FTCDNL1: variants seen among roughly 807,000 people sequenced by gnomAD.
The protein encoded by FTCDNL1 is formiminotransferase N-terminal subdomain-containing protein.
Under a neutral mutation model 5.9 loss-of-function variants are expected in FTCDNL1, and 11 were observed. The observed-to-expected ratio is 1.87, with a 90% confidence interval of 1.18 to 3.10. The LOEUF (loss-of-function observed/expected upper bound fraction) is 3.10, where lower values mean the gene tolerates loss of function less well. Ranked by LOEUF, FTCDNL1 falls within the 30% of genes most tolerant of loss-of-function variation. FTCDNL1 has a pLI of 0.00. For synonymous variants in FTCDNL1, 58 were observed against 24.8 expected (o/e 2.34, Z -3.99); for missense variants, 115 against 65.5 (o/e 1.76, Z -2.61).
chr2:199,696,218 C>T, the FTCDNL1 span, among the ~76,000 whole-genome samples: 1 of 152,234 alleles, frequency 6.6e-6, no homozygotes, highest in African/African-American at 2.4e-5. Flanking sequence ...ACCACCCTGC[C>T]ACTGTTGGCT....
At chr2:199,747,283 G>C in the FTCDNL1 span, among the ~76,000 whole-genome samples, 16 of 152,164 alleles carry the variant, frequency 1.1e-4, no homozygotes, top group East Asian at 2.7e-3. Flanking sequence ...AACTTTACTT[G>C]ACAGCTTCCC....
chr2:199,716,672 G>T, the FTCDNL1 span, among the ~76,000 whole-genome samples: 2 of 152,140 alleles, frequency 1.3e-5, no homozygotes, highest in African/African-American at 4.8e-5. Flanking sequence ...TGCTTAAATA[G>T]GACCTTACTA....
the FTCDNL1 span, among the ~76,000 whole-genome samples, chr2:199,745,395 C>T: frequency 6.6e-6 from 1 of 152,178 alleles, no homozygotes; most frequent in South Asian, 2.1e-4. Flanking sequence ...ATGCCTTTTC[C>T]TACTCGATGA....
chr2:199,681,468 A>G, the FTCDNL1 span, among the ~76,000 whole-genome samples: 5 of 152,184 alleles, frequency 3.3e-5, no homozygotes, highest in African/African-American at 1.2e-4. Context: ...AAAAGAAAGA[A>G]AAGCCAGGCT....
chr2:199,769,340 C>A (rs1466714129), intron 3 of FTCDNL1, among the ~76,000 whole-genome samples: 2 of 152,114 alleles, frequency 1.3e-5, no homozygotes, highest in African/African-American at 4.8e-5. Context: ...GCAGTTTCCC[C>A]CTTACTGTTC....
chr2:199,742,223 T>C, the FTCDNL1 span, among the ~76,000 whole-genome samples: 2 of 151,918 alleles, frequency 1.3e-5, no homozygotes, highest in Non-Finnish European at 2.9e-5. Context: ...CTGTGAAGAC[T>C]CCCCCACTAC....
At chr2:199,747,486 G>A in the FTCDNL1 span, among the ~76,000 whole-genome samples, 1 of 152,116 alleles carries the variant, frequency 6.6e-6, no homozygotes, top group Non-Finnish European at 1.5e-5. Flanking sequence ...TTTCATATGA[G>A]AGAAGAACGT....
chr2:199,685,058 G>A, the FTCDNL1 span, among the ~76,000 whole-genome samples: 2 of 152,084 alleles, frequency 1.3e-5, no homozygotes, highest in Non-Finnish European at 2.9e-5. Flanking sequence ...TGTGGAGCTC[G>A]TACTTCCTCC....
rs548561232 is a variant in FTCDNL1, at chr2:199,795,373, C to T, written c.212-34538G>A. Among the ~76,000 whole-genome samples the T allele has an allele frequency of 2.3e-4, 35 of 152,296 alleles. No individual in the cohort carries two copies. In the South Asian group the frequency reaches 6.6e-3, roughly 29 times the overall value. On this transcript the variant is annotated intron_variant, in intron 3 of 3. Transcript: ENST00000416668. ...CCTCACTTTCCTCCCAATACAAACACGTGGTTCTTTCTTTTTCTCTGCTCA... is the reference window on the plus strand; with the variant it reads ...CCTCACTTTCCTCCCAATACAAACATGTGGTTCTTTCTTTTTCTCTGCTCA...
chr2:199,715,548 G>T, the FTCDNL1 span, among the ~76,000 whole-genome samples: 2 of 152,182 alleles, frequency 1.3e-5, no homozygotes, highest in Non-Finnish European at 2.9e-5. Context: ...ATGGGGAACT[G>T]TAAGTCCATC....
At chr2:199,697,846 A>G in the FTCDNL1 span, among the ~76,000 whole-genome samples, 1 of 152,212 alleles carries the variant, frequency 6.6e-6, no homozygotes, top group African/African-American at 2.4e-5. Context: ...CAAGTTGGAT[A>G]AGAAGCAAGA....
intron 4 of FTCDNL1, among the ~76,000 whole-genome samples, chr2:199,816,338 T>C (rs530033426): frequency 1.4e-3 from 211 of 152,266 alleles, no homozygotes; most frequent in African/African-American, 4.9e-3. Context: ...AAAAGGCATA[T>C]AGGGGAAAAG....
the FTCDNL1 span, among the ~76,000 whole-genome samples, chr2:199,753,055 A>G: frequency 6.6e-6 from 1 of 152,184 alleles, no homozygotes; most frequent in Non-Finnish European, 1.5e-5. Flanking sequence ...CCATGGGCAC[A>G]TGGTGGGGAG....
the FTCDNL1 span, among the ~76,000 whole-genome samples, chr2:199,673,024 T>G: frequency 6.6e-6 from 1 of 152,056 alleles, no homozygotes; most frequent in Admixed American, 6.6e-5. Flanking sequence ...GAGTGTCAAC[T>G]GCAAATGAAA....
At chr2:199,824,815 A>G (rs902322965) in intron 3 of FTCDNL1, among the ~76,000 whole-genome samples, 1 of 152,190 alleles carries the variant, frequency 6.6e-6, no homozygotes, top group Non-Finnish European at 1.5e-5. Flanking sequence ...CCCAAACATC[A>G]AAGATCACTG....
chr2:199,765,556 A>ATATTTTTTTTTTTTTTTTTTTTTTTT, intron 3 of FTCDNL1, among the ~76,000 whole-genome samples: 2 of 42,666 alleles, frequency 4.7e-5, no homozygotes, highest in African/African-American at 6.4e-5. Flanking sequence ...ATATATATAT[A>ATATTTTTTTTTTTTTTTTTTTTTTTT]TTTTTTTTTT....
intron 3 of FTCDNL1, among the ~76,000 whole-genome samples, chr2:199,771,281 G>A (rs973602358): frequency 6.6e-6 from 1 of 152,052 alleles, no homozygotes; most frequent in African/African-American, 2.4e-5. Flanking sequence ...CCAGAACATC[G>A]CCATGTGGGT....
At chr2:199,813,498 TG>T (rs1701157756) in intron 4 of FTCDNL1, among the ~76,000 whole-genome samples, 1 of 152,198 alleles carries the variant, frequency 6.6e-6, no homozygotes, top group African/African-American at 2.4e-5. Flanking sequence ...AGGAGAGAGC[TG>T]GGATGGTGTT....
chr2:199,840,613 T>C (rs1336244618), intron 3 of FTCDNL1, among the ~76,000 whole-genome samples: 2 of 152,150 alleles, frequency 1.3e-5, no homozygotes, highest in Admixed American at 6.5e-5. Context: ...GATATTTCGA[T>C]ATCTAGAGTT....
Sources: allele counts gnomAD v4.1 joint callset (sites outside exome capture counted in the v4.1 genomes callset), GRCh38; gene constraint gnomAD v4.1.1; transcripts MANE v1.5; gene names NCBI Gene and HGNC (gene_info 2026-07-23, HGNC 2026-07-21).